FANCI: variants seen among roughly 807,000 people sequenced by gnomAD.
The protein encoded by FANCI is FA complementation group I.
In FANCI, 156 loss-of-function variants were observed where a neutral mutation model predicts 176.1. That is an observed-to-expected ratio of 0.89 (90% confidence interval 0.78 to 1.01). FANCI has a LOEUF of 1.01. Ranked by LOEUF, FANCI falls within the 50% of genes least tolerant of loss-of-function variation. The pLI is 0.00. For synonymous variants in FANCI, 613 were observed against 541.7 expected, an observed-to-expected ratio of 1.13 and a Z score of -1.83; for missense variants, 1,678 against 1,534.1, an observed-to-expected ratio of 1.09 and a Z score of -1.57.
chr15:89,294,545 A>G (rs1000961423), intron 23 of FANCI, among the ~76,000 whole-genome samples: 2 of 152,108 alleles, frequency 1.3e-5, no homozygotes, highest in Admixed American at 6.5e-5. Context: ...AGATCATGCC[A>G]TTGCACTCCA....
At chr15:89,316,139 T>C (rs2055241647) in intron 37 of FANCI, among the ~76,000 whole-genome samples, 1 of 152,192 alleles carries the variant, frequency 6.6e-6, no homozygotes, top group African/African-American at 2.4e-5. Flanking sequence ...TGGCTTCTTC[T>C]CTTGTCATTT....
In FANCI at chr15:89,295,014, G is replaced by A; in HGVS notation, c.2556G>A (p.Gln852=). ...AVNVALQKVQ[Q]LKETGHVSGP... ...ATGTAGCTCTGCAGAAAGTACAGCA[G>A]CTAAAGGAAACAGGGCATGTGAGTG... The change falls in exon 24 of 38, where the codon CAG becomes CAA. Residue 852 remains glutamine (Q), a synonymous_variant. Coordinates refer to ENST00000310775, the MANE Select transcript of FANCI (RefSeq NM_001113378.2). The A allele has an allele frequency of 6.4e-7, 1 of 1,552,268 alleles. No individual in the cohort carries two copies.
At chr15:89,253,543 A>ATAACT (rs1555441211) in intron 2 of FANCI, among the ~76,000 whole-genome samples, 20,539 of 143,382 alleles carry the variant, frequency 0.14, 2,235 homozygotes, top group African/African-American at 0.31. Flanking sequence ...AAATAAATAA[A>ATAACT]TAAGTATATG....
chr15:89,286,792 GC>G lies in FANCI; in HGVS notation c.1821+1576del, dbSNP rs59454400. On this transcript the variant is annotated intron_variant, in intron 18 of 37. Transcript: ENST00000310775. ...CAAGACAGTCAGCCTGTCCTTTGAA[GC>G]CAGGCATTGACTTCTCCTCCCTAGC... Among the ~76,000 whole-genome samples, 520 of 152,216 alleles carry G rather than the reference GC, an allele frequency of 3.4e-3. 1 individual carries two copies. Among genetic ancestry groups the G allele is most frequent in the Non-Finnish European group, 5.4e-3 (364 of 68,008 alleles).
intron 24 of FANCI, among the ~76,000 whole-genome samples, chr15:89,296,950 G>C (rs574325699): frequency 1.4e-5 from 2 of 147,488 alleles, no homozygotes; most frequent in Non-Finnish European, 3.0e-5. Context: ...CGGACGGGGC[G>C]GCTGGCCGGG....
chr15:89,289,094 T>C (rs887586381), intron 18 of FANCI, among the ~76,000 whole-genome samples: 6 of 152,088 alleles, frequency 3.9e-5, no homozygotes, highest in Non-Finnish European at 8.8e-5. Flanking sequence ...ATGAGGAGCT[T>C]TTCCCCCAAG....
At chr15:89,295,145 C>T in intron 24 of FANCI, 51 bp downstream of exon 24, 1 of 1,518,022 alleles carries the variant, frequency 6.6e-7, no homozygotes. Flanking sequence ...TGTGGTGTCT[C>T]CAAGAGAACA....
rs2052852416 is a variant in FANCI, at chr15:89,264,455, A to T, written c.670-67A>T. 6 of 1,313,684 alleles carry T rather than the reference A, an allele frequency of 4.6e-6. No homozygotes were observed. The Admixed American group carries it at 6.8e-5, about 15-fold the overall frequency. The allele number at this position is 1,313,684 out of a possible 1,614,324, so 81.4% of individuals were successfully genotyped here. On this transcript the variant is annotated intron_variant, in intron 8 of 37. Transcript: ENST00000310775. The stretch of plus-strand genomic sequence containing the variant: ...TGGAGAATTCTTTAAGCTGAAAACT[A>T]CTTTGAATTCAAATTGGTTATTTTG...
At chr15:89,315,903 C>T (rs1044585928) in intron 37 of FANCI, among the ~76,000 whole-genome samples, 1 of 152,210 alleles carries the variant, frequency 6.6e-6, no homozygotes, top group African/African-American at 2.4e-5. Context: ...TTCCTTACTT[C>T]TAGCACCTAA....
Position 89,299,900 on chromosome 15 carries a change from C to A in FANCI, c.2737C>A (p.Gln913Lys), listed in dbSNP as rs1359408831. The change falls in exon 25 of 38, where the codon CAG becomes AAG. Residue 913 changes from glutamine to lysine, a missense_variant. This residue lies in a region of FANCI where 1,204 missense variants were observed against 1,077.4 expected (regional missense o/e 1.12). Coordinates refer to ENST00000310775, the MANE Select transcript of FANCI (RefSeq NM_001113378.2). ...SISLLCLEGLQKIFSAVQQFY... is the reference protein window; with the variant it reads ...SISLLCLEGLKKIFSAVQQFY... Reference sequence around the variant, plus strand: ...CTCACTGCTGTGCTTGGAGGGTTTACAGAAAATATTCAGTGCTGTGCAACA... The same window carrying A: ...CTCACTGCTGTGCTTGGAGGGTTTAAAGAAAATATTCAGTGCTGTGCAACA... 1 of 1,614,078 alleles carries A rather than the reference C, an allele frequency of 6.2e-7. No homozygotes were observed. The highest frequency in any genetic ancestry group is 8.5e-7 in the Non-Finnish European group (1 of 1,179,990).
chr15:89,268,321 T>C, intron 9 of FANCI, 78 bp from the exon 10 acceptor site: 4 of 1,528,842 alleles, frequency 2.6e-6, no homozygotes, highest in Non-Finnish European at 3.6e-6. Flanking sequence ...TGCGCCCGCC[T>C]TGGCCTCCCA....
chr15:89,271,197 A>T (rs1472732329), intron 10 of FANCI, among the ~76,000 whole-genome samples: 4 of 152,148 alleles, frequency 2.6e-5, no homozygotes, highest in Non-Finnish European at 5.9e-5. Flanking sequence ...TATTCTAAGC[A>T]TGCAATCCAG....
intron 34 of FANCI, among the ~76,000 whole-genome samples, chr15:89,309,511 C>T (rs544610624): frequency 3.5e-4 from 53 of 152,286 alleles, no homozygotes; most frequent in African/African-American, 1.2e-3. Context: ...AAGAAGATCA[C>T]TTGAGGCCAG....
chr15:89,308,409 A>G (rs2054811995), intron 34 of FANCI, among the ~76,000 whole-genome samples: 1 of 152,244 alleles, frequency 6.6e-6, no homozygotes, highest in South Asian at 2.1e-4. Flanking sequence ...AAGGCCACTT[A>G]GTCATGCAGT....
chr15:89,281,874 T>G, intron 16 of FANCI, 39 bp downstream of exon 16: 1 of 1,585,206 alleles, frequency 6.3e-7, no homozygotes. Context: ...AGACGTTGTC[T>G]TCTAATGTTG....
intron 26 of FANCI, 82 bp from the exon 27 acceptor site, chr15:89,301,244 G>C: frequency 2.3e-6 from 2 of 886,038 alleles, no homozygotes; most frequent in Admixed American, 3.4e-5. Flanking sequence ...CCTAGTCTTA[G>C]GAGTCTCTGA....
At chr15:89,258,675 G>C (rs1228876441) in intron 2 of FANCI, 29 bp from the exon 3 acceptor site, 3 of 1,573,258 alleles carry the variant, frequency 1.9e-6, no homozygotes, top group South Asian at 2.2e-5. Context: ...ACTGTTGCCA[G>C]AGACTTGTAC....
intron 2 of FANCI, among the ~76,000 whole-genome samples, chr15:89,251,059 CCATT>C (rs1333431371): frequency 4.0e-5 from 6 of 151,614 alleles, no homozygotes; most frequent in Admixed American, 2.0e-4. Context: ...GAAAAAAACA[CCATT>C]AATTAATATA....
intron 24 of FANCI, among the ~76,000 whole-genome samples, chr15:89,296,810 G>A (rs1372521229): frequency 3.4e-5 from 5 of 148,596 alleles, no homozygotes; most frequent in Non-Finnish European, 7.5e-5. Context: ...GTGGGGGGCT[G>A]ACCCCCCCAC....
Sources: allele counts gnomAD v4.1 joint callset (sites outside exome capture counted in the v4.1 genomes callset), GRCh38; gene constraint gnomAD v4.1.1; regional missense constraint gnomAD v4.1.1; transcripts MANE v1.5; gene names NCBI Gene and HGNC (gene_info 2026-07-23, HGNC 2026-07-21).